The following HSPA12A variants were observed in gnomAD, a reference collection of about 807,000 sequenced individuals.
The protein encoded by HSPA12A is heat shock protein family A (Hsp70) member 12A, also known as heat shock 70 kDa protein 12A.
A neutral mutation model predicts 69.2 loss-of-function variants in HSPA12A; 28 were observed. That is an observed-to-expected ratio of 0.40 (90% CI 0.30 to 0.55). The LOEUF is 0.55. Ranked by LOEUF, HSPA12A falls within the 20% of genes least tolerant of loss-of-function variation. The pLI is 0.38. For synonymous variants in HSPA12A, 345 were observed against 370.5 expected (o/e 0.93, Z 0.79); for missense variants, 686 against 900.7 (o/e 0.76, Z 3.05).
chr10:116,719,163 A>T (rs1451867403), intron 1 of HSPA12A, among the ~76,000 whole-genome samples: 1 of 152,176 alleles, frequency 6.6e-6, no homozygotes, highest in African/African-American at 2.4e-5. Flanking sequence ...CCCTCCTGAT[A>T]ACTTGGGGTA....
chr10:116,683,677 G>T, intron 7 of HSPA12A, 114 bp downstream of exon 7: 1 of 1,111,316 alleles, frequency 9.0e-7, no homozygotes, highest in Non-Finnish European at 1.2e-6. Context: ...TCCTCCCGGA[G>T]TATCCTGATT....
chr10:116,801,038 T>C (rs1280165843), intron 2 of HSPA12A, among the ~76,000 whole-genome samples: 1 of 152,210 alleles, frequency 6.6e-6, no homozygotes, highest in African/African-American at 2.4e-5. Context: ...TGAATCACAG[T>C]TAAATTCTAC....
In HSPA12A at chr10:116,774,166, C is replaced by T. The variant is rs574389672; in HGVS notation, c.91+60769G>A. 1.6e-4 allele frequency among the ~76,000 whole-genome samples: 25 copies of T among 152,186 alleles called. No individual in the cohort carries two copies. In the South Asian group the frequency reaches 4.2e-3, roughly 25 times the overall value. On this transcript the variant is annotated intron_variant, in intron 2 of 12. Transcript: ENST00000635765. ...CTGGGACTACAGGCGCCCGCCACTA[C>T]GCCCGGCTAATTTTTTGTATTTTTA... is the stretch of plus-strand genomic sequence containing the variant.
intron 6 of HSPA12A, among the ~76,000 whole-genome samples, chr10:116,685,406 G>A (rs969813670): frequency 5.9e-5 from 9 of 151,852 alleles, no homozygotes; most frequent in African/African-American, 1.2e-4. Context: ...AGGCTGAGGC[G>A]GGCAGATCAC....
chr10:116,715,005 G>A (rs1311083514), intron 1 of HSPA12A, among the ~76,000 whole-genome samples: 1 of 152,156 alleles, frequency 6.6e-6, no homozygotes, highest in Non-Finnish European at 1.5e-5. Context: ...ATCAGTTCCT[G>A]GTGATCAACT....
chr10:116,705,600 T>C (rs1283844847), intron 2 of HSPA12A, among the ~76,000 whole-genome samples: 2 of 152,222 alleles, frequency 1.3e-5, no homozygotes, highest in Non-Finnish European at 2.9e-5. Context: ...GGTCGCCCAG[T>C]AGTTCCTGAG....
chr10:116,689,136 C>G (rs894780222), intron 6 of HSPA12A, among the ~76,000 whole-genome samples: 3 of 152,126 alleles, frequency 2.0e-5, no homozygotes, highest in Admixed American at 6.5e-5. Flanking sequence ...CCAGCAGAGG[C>G]TCCAGAACTC....
chr10:116,796,815 A>C (rs1014222304), intron 2 of HSPA12A, among the ~76,000 whole-genome samples: 1 of 152,166 alleles, frequency 6.6e-6, no homozygotes, highest in Non-Finnish European at 1.5e-5. Context: ...GCTGAGGGTG[A>C]CTGACCTTTC....
chr10:116,800,996 T>C (rs1296841711), intron 2 of HSPA12A, among the ~76,000 whole-genome samples: 1 of 152,212 alleles, frequency 6.6e-6, no homozygotes, highest in Non-Finnish European at 1.5e-5. Context: ...TTTGCTCTGA[T>C]TCTCTGTCTT....
chr10:116,725,963 G>A (rs1427301802), intron 1 of HSPA12A, among the ~76,000 whole-genome samples: 1 of 151,700 alleles, frequency 6.6e-6, no homozygotes, highest in African/African-American at 2.4e-5. Flanking sequence ...GCAACTCAGT[G>A]AGGAAGTCAA....
chr10:116,732,352 G>GGA (rs1851188437), intron 1 of HSPA12A, among the ~76,000 whole-genome samples: 2 of 148,004 alleles, frequency 1.4e-5, no homozygotes, highest in East Asian at 4.0e-4. Context: ...AAGAAAGAAA[G>GGA]AGACAGAGGG....
intron 2 of HSPA12A, among the ~76,000 whole-genome samples, chr10:116,789,878 C>T (rs1322718073): frequency 2.6e-5 from 4 of 152,038 alleles, no homozygotes; most frequent in African/African-American, 9.7e-5. Flanking sequence ...GATGCCCAGA[C>T]GTCCCTCTTA....
At chr10:116,766,925 C>T (rs1844091172) in intron 2 of HSPA12A, among the ~76,000 whole-genome samples, 1 of 152,258 alleles carries the variant, frequency 6.6e-6, no homozygotes, top group South Asian at 2.1e-4. Context: ...GTCCACCAGT[C>T]GACCCCAAAA....
At chr10:116,758,447 G>A (rs1163960468) in intron 2 of HSPA12A, among the ~76,000 whole-genome samples, 10 of 152,088 alleles carry the variant, frequency 6.6e-5, no homozygotes, top group East Asian at 3.9e-4. Context: ...AGGACCACCC[G>A]GCCAGGAGGT....
chr10:116,740,948 T>C (rs1205495656), intron 1 of HSPA12A, among the ~76,000 whole-genome samples: 2 of 116,862 alleles, frequency 1.7e-5, no homozygotes, highest in East Asian at 2.4e-4. Flanking sequence ...TTTTCTGACT[T>C]AAAGGAAAAA....
Position 116,682,419 on chromosome 10 carries a change from G to T in HSPA12A, c.836-542C>A, listed in dbSNP as rs549772032. ...TTTTGTCTGATACAAGGAATTTGGG[G>T]TGTGTTTTCCTAACATGCACCCTGG... On this transcript the variant is annotated intron_variant, in intron 7 of 11. Transcript: ENST00000369209. 2.4e-3 allele frequency among the ~76,000 whole-genome samples: 358 copies of T among 151,046 alleles called. 1 individual carries two copies. Among genetic ancestry groups the T allele is most frequent in the African/African-American group, 8.1e-3 (329 of 40,786 alleles).
intron 2 of HSPA12A, among the ~76,000 whole-genome samples, chr10:116,779,732 A>G (rs17095224): frequency 0.019 from 2,883 of 152,138 alleles, 60 homozygotes; most frequent in East Asian, 0.12. Flanking sequence ...AGTTCCAGAA[A>G]CCGAATAACG....
intron 1 of HSPA12A, among the ~76,000 whole-genome samples, chr10:116,739,952 C>G (rs1369583267): frequency 6.6e-6 from 1 of 152,112 alleles, no homozygotes; most frequent in Non-Finnish European, 1.5e-5. Flanking sequence ...CCCCCAACAC[C>G]ACCTACCCAC....
chr10:116,682,465 G>GT (rs1849440454), intron 7 of HSPA12A, among the ~76,000 whole-genome samples: 1 of 150,560 alleles, frequency 6.6e-6, no homozygotes, highest in African/African-American at 2.4e-5. Flanking sequence ...TGGGGGGGGG[G>GT]GCCATTTCCT....
Sources: gnomAD v4.1 joint callset for allele counts (sites outside exome capture counted in the v4.1 genomes callset) on GRCh38, gnomAD v4.1.1 for gene constraint, MANE v1.5 for transcripts, NCBI Gene and HGNC (gene_info 2026-07-23, HGNC 2026-07-21) for gene names.